The following PLD5 variants were observed in gnomAD, a reference collection of about 807,000 sequenced individuals.
PLD5 encodes the protein inactive phospholipase D5.
Under a neutral mutation model 61.1 loss-of-function variants are expected in PLD5, and 36 were observed. The ratio of observed to expected loss-of-function variants is 0.59; its 90% confidence interval spans 0.45 to 0.78. PLD5 has a LOEUF of 0.78. Among genes scored for constraint, PLD5 ranks in the 30% least tolerant of loss-of-function variants. The probability of loss-of-function intolerance (pLI) is 0.00; values close to 1 mark genes in which losing one functional copy is unlikely to be tolerated. For synonymous variants in PLD5, 243 were observed against 242.8 expected (o/e 1.00, Z -0.01); for missense variants, 515 against 644.4 (o/e 0.80, Z 2.17).
intron 2 of PLD5, among the ~76,000 whole-genome samples, chr1:242,331,689 G>A (rs1385450453): frequency 6.6e-6 from 1 of 152,128 alleles, no homozygotes; most frequent in African/African-American, 2.4e-5. Flanking sequence ...TAAATTGAGT[G>A]TGTCTTATAT....
intron 3 of PLD5, among the ~76,000 whole-genome samples, chr1:242,274,960 C>G (rs532585112): frequency 2.0e-5 from 3 of 152,102 alleles, no homozygotes; most frequent in African/African-American, 7.2e-5. Context: ...TTCTTCCACC[C>G]AGGAATCCTA....
intron 4 of PLD5, among the ~76,000 whole-genome samples, chr1:242,223,639 T>C (rs1192931679): frequency 6.6e-6 from 1 of 152,210 alleles, no homozygotes; most frequent in Non-Finnish European, 1.5e-5. Context: ...ATTTTCTCTA[T>C]TTTAGGACAC....
intron 1 of PLD5, among the ~76,000 whole-genome samples, chr1:242,421,003 A>G (rs1665106649): frequency 6.6e-6 from 1 of 152,000 alleles, no homozygotes; most frequent in African/African-American, 2.4e-5. Flanking sequence ...AACATGGTGA[A>G]ACCCCGTCTC....
At chr1:242,529,267 A>C (rs1207762641), upstream of PLD5, among the ~76,000 whole-genome samples, 1 of 152,198 alleles carries the variant, frequency 6.6e-6, no homozygotes, top group Non-Finnish European at 1.5e-5. Flanking sequence ...GTTATTATTG[A>C]TTAGTTATAA....
intron 1 of PLD5, among the ~76,000 whole-genome samples, chr1:242,448,735 G>A (rs1358887239): frequency 1.3e-5 from 2 of 152,126 alleles, no homozygotes; most frequent in African/African-American, 4.8e-5. Context: ...ACCTCATCCT[G>A]GCAATGTTTG....
In PLD5 at chr1:242,089,886, C is replaced by A; in HGVS notation, c.1579G>T (p.Asp527Tyr). 6.2e-7 allele frequency: 1 copy of A among 1,614,130 alleles called. No individual in the cohort carries two copies. Among genetic ancestry groups the A allele is most frequent in the Non-Finnish European group, 8.5e-7 (1 of 1,180,034 alleles). ...KPLSNKTATD[D>Y]TGGKDPRNV ...TTCCGGGGATCCTTTCCGCCTGTGT[C>A]GTCTGTGGCAGTTTTGTTGGAGAGG... The change falls in exon 10 of 10, where the codon GAC becomes TAC. Residue 527 changes from aspartate (D) to tyrosine (Y), a missense_variant. Around this residue, in one of 2 missense-constraint regions of PLD5, gnomAD observed 450 missense variants for 598.1 expected, o/e 0.75. Transcript: ENST00000536534.
rs906060939 is a variant in PLD5, at chr1:242,498,768, A to C, written c.189+25320T>G. On this transcript the variant is annotated intron_variant, in intron 1 of 9. Coordinates refer to ENST00000536534, the MANE Select transcript of PLD5 (RefSeq NM_001372062.1). ...AACTTATCATTTTAAAGTCTGCCAC[A>C]TGTGGATCAGTTTAGTGCCTATTCA... Among the ~76,000 whole-genome samples, 4 of 152,178 alleles carry C rather than the reference A, an allele frequency of 2.6e-5. No homozygotes were observed. The East Asian group carries it at 7.7e-4, about 29-fold the overall frequency.
At chr1:242,283,679 C>G (rs1227295985) in intron 3 of PLD5, among the ~76,000 whole-genome samples, 2 of 152,196 alleles carry the variant, frequency 1.3e-5, no homozygotes, top group South Asian at 2.1e-4. Context: ...CTTGAGTAAT[C>G]AGGGTGTGAA....
chr1:242,445,295 C>T (rs182523818), intron 1 of PLD5, among the ~76,000 whole-genome samples: 2 of 152,180 alleles, frequency 1.3e-5, no homozygotes, highest in African/African-American at 4.8e-5. Context: ...TCTGCTAAAA[C>T]CCTGATCTTG....
chr1:242,420,452 C>CTTAATTCTTTCTTTA (rs1665076960), intron 1 of PLD5, among the ~76,000 whole-genome samples: 2 of 152,156 alleles, frequency 1.3e-5, no homozygotes, highest in Non-Finnish European at 2.9e-5. Flanking sequence ...TATGTTATTC[C>CTTAATTCTTTCTTTA]TTAATTCTTT....
chr1:242,099,015 C>G (rs950566893), intron 9 of PLD5, among the ~76,000 whole-genome samples: 1 of 152,214 alleles, frequency 6.6e-6, no homozygotes, highest in African/African-American at 2.4e-5. Flanking sequence ...CAGGGACCCA[C>G]TTGAGGAGGC....
intron 1 of PLD5, among the ~76,000 whole-genome samples, chr1:242,349,010 C>T (rs1227835649): frequency 6.6e-6 from 1 of 152,130 alleles, no homozygotes; most frequent in Non-Finnish European, 1.5e-5. Flanking sequence ...GCCAAGATCG[C>T]ACCACTGCAC....
intron 1 of PLD5, among the ~76,000 whole-genome samples, chr1:242,523,343 G>A (rs999150692): frequency 6.8e-6 from 1 of 147,086 alleles, no homozygotes; most frequent in Non-Finnish European, 1.5e-5. Context: ...TTTTTAGAAG[G>A]TTTTTTTTTT....
At chr1:242,475,371 C>T (rs868808838) in intron 1 of PLD5, among the ~76,000 whole-genome samples, 1 of 137,688 alleles carries the variant, frequency 7.3e-6, no homozygotes, top group African/African-American at 2.8e-5. Context: ...TGCAGTGAGC[C>T]GAGATTGCGC....
intron 2 of PLD5, among the ~76,000 whole-genome samples, chr1:242,339,373 A>G (rs1260020325): frequency 6.6e-6 from 1 of 152,196 alleles, no homozygotes; most frequent in African/African-American, 2.4e-5. Flanking sequence ...CAAAGTTCCC[A>G]TTACAGGAAT....
intron 2 of PLD5, among the ~76,000 whole-genome samples, chr1:242,330,155 T>C (rs1379167409): frequency 6.6e-6 from 1 of 151,898 alleles, no homozygotes; most frequent in Non-Finnish European, 1.5e-5. Flanking sequence ...GGTATACTCT[T>C]CAGAGAAAAA....
At chr1:242,455,434 G>A (rs1666915318) in intron 1 of PLD5, among the ~76,000 whole-genome samples, 1 of 152,196 alleles carries the variant, frequency 6.6e-6, no homozygotes, top group Non-Finnish European at 1.5e-5. Flanking sequence ...GGTTGCCAAA[G>A]AGATTTAGTG....
At chr1:242,316,731 C>A (rs939214879) in intron 2 of PLD5, among the ~76,000 whole-genome samples, 2 of 152,018 alleles carry the variant, frequency 1.3e-5, no homozygotes, top group African/African-American at 4.8e-5. Flanking sequence ...GCCTACTACC[C>A]ATTAGTTATT....
rs1673086760 is a variant in PLD5, at chr1:242,256,954, T to C, written c.607+8383A>G. Among the ~76,000 whole-genome samples the C allele has an allele frequency of 6.6e-6, 1 of 151,940 alleles. No individual in the cohort carries two copies. Among genetic ancestry groups the C allele is most frequent in the African/African-American group, 2.4e-5 (1 of 41,356 alleles). On this transcript the variant is annotated intron_variant, in intron 4 of 9. Coordinates refer to ENST00000536534, the MANE Select transcript of PLD5 (RefSeq NM_001372062.1). This position sits in a 1 kb window ranked among gnomAD's most constrained non-coding sequence, Gnocchi z 5.7. Reference sequence around the variant, plus strand: ...ATCTAATCTATCTCTACCTACTGTCTTCTATCTATATCTATCTACCTACCT... The same window carrying C: ...ATCTAATCTATCTCTACCTACTGTCCTCTATCTATATCTATCTACCTACCT...
Sources: gnomAD v4.1 joint callset for allele counts (sites outside exome capture counted in the v4.1 genomes callset) on GRCh38, gnomAD v4.1.1 for gene constraint, gnomAD v4.1.1 regional missense constraint, Gnocchi (gnomAD v3.1) non-coding constraint, MANE v1.5 for transcripts, NCBI Gene and HGNC (gene_info 2026-07-23, HGNC 2026-07-21) for gene names.